The following TMEM161A variants were observed in gnomAD, a reference collection of about 807,000 sequenced individuals.
TMEM161A encodes adaptive response to oxidative stress protein 29.
Under a neutral mutation model 57.1 loss-of-function variants are expected in TMEM161A, and 46 were observed. That is an observed-to-expected ratio of 0.81 (90% CI 0.64 to 1.03). The LOEUF (loss-of-function observed/expected upper bound fraction) is 1.03, where lower values mean the gene tolerates loss of function less well. Ranked by LOEUF, TMEM161A falls within the 50% of genes least tolerant of loss-of-function variation. The probability of loss-of-function intolerance (pLI) is 0.00; values close to 1 mark genes in which losing one functional copy is unlikely to be tolerated. For missense variants in TMEM161A, 601 were observed against 621.5 expected, an observed-to-expected ratio of 0.97 and a Z score of 0.35; for synonymous variants, 288 against 279.0, an observed-to-expected ratio of 1.03 and a Z score of -0.32.
At chr19:19,128,306 A>G (rs918215433) in intron 6 of TMEM161A, among the ~76,000 whole-genome samples, 5 of 141,436 alleles carry the variant, frequency 3.5e-5, no homozygotes, top group African/African-American at 1.3e-4. Context: ...ATCTCAGCTC[A>G]CTGCAAGCTC....
chr19:19,135,187 C>T (rs951190078), intron 1 of TMEM161A, among the ~76,000 whole-genome samples: 4 of 152,176 alleles, frequency 2.6e-5, no homozygotes, highest in African/African-American at 4.8e-5. Flanking sequence ...ATTAATTTCC[C>T]GGAGTCTCAG....
chr19:19,125,164 G>A (rs1476165877), intron 6 of TMEM161A, among the ~76,000 whole-genome samples: 1 of 152,092 alleles, frequency 6.6e-6, no homozygotes, highest in South Asian at 2.1e-4. Context: ...CAAAGGGGAA[G>A]GATCAGACAG....
At chr19:19,130,446 G>T in intron 5 of TMEM161A, 139 bp from the exon 6 acceptor site, 1 of 1,030,470 alleles carries the variant, frequency 9.7e-7, no homozygotes, top group South Asian at 1.5e-5. Context: ...AGAGGAGTTC[G>T]GTTTTGGGGT....
At chr19:19,137,295 TTCC>T (rs1192216160) in intron 1 of TMEM161A, among the ~76,000 whole-genome samples, 1 of 152,134 alleles carries the variant, frequency 6.6e-6, no homozygotes, top group Non-Finnish European at 1.5e-5. Flanking sequence ...CTCAGAGGTC[TTCC>T]TGGACCTTTG....
In TMEM161A at chr19:19,120,095, G is replaced by T. The variant is rs767450009; in HGVS notation, c.1275C>A (p.Asp425Glu). ...ASAAPIGSGE[D>E]EVQQTAARIA... The stretch of plus-strand genomic sequence containing the variant: ...TCCGCGCTGCAGTCTGCTGGACTTC[G>T]TCCTCCCCAGAGCCGATGGGGGCAG... Residue 425 changes from aspartate (D) to glutamate (E), a missense_variant, in exon 12 of 12, where the codon GAC (aspartate) becomes GAA (glutamate). Coordinates refer to ENST00000162044, the MANE Select transcript of TMEM161A (RefSeq NM_017814.3). 5 of 1,580,480 alleles carry T rather than the reference G, an allele frequency of 3.2e-6. No homozygotes were observed. The highest frequency in any genetic ancestry group is 4.3e-6 in the Non-Finnish European group (5 of 1,163,706).
rs776586045 is a variant in TMEM161A at position 19,121,479 on chromosome 19, C to T, written c.800+46G>A. On this transcript the variant is annotated intron_variant, in intron 8 of 11. Coordinates refer to ENST00000162044, the MANE Select transcript of TMEM161A (RefSeq NM_017814.3). The surrounding 1 kb of genome is among the most constrained non-coding windows in gnomAD (Gnocchi z 5.8). Reference sequence around the variant, plus strand: ...GGGTACCCCCTCTCCTCGAGTCTCTCCCTTAAGCTCCCTAGTCCCCCCACC... The same window carrying T: ...GGGTACCCCCTCTCCTCGAGTCTCTTCCTTAAGCTCCCTAGTCCCCCCACC... The T allele has an allele frequency of 6.2e-7, 1 of 1,613,594 alleles. No homozygotes were observed. Among genetic ancestry groups the T allele is most frequent in the Non-Finnish European group, 8.5e-7 (1 of 1,179,684 alleles).
rs532451412 is a variant in TMEM161A at position 19,119,893 on chromosome 19, G to A, written c.*37C>T. The A allele has an allele frequency of 4.5e-6, 7 of 1,545,496 alleles. No individual in the cohort carries two copies. Among genetic ancestry groups the A allele is most frequent in the Non-Finnish European group, 6.1e-6 (7 of 1,144,924 alleles). On this transcript the variant is annotated 3_prime_UTR_variant, in exon 12 of 12. Coordinates refer to ENST00000162044, the MANE Select transcript of TMEM161A (RefSeq NM_017814.3). ...GCAGGCTAGTGTCCCGCTGCCCCAGGAACAGACCTCAGGGCCCCAGGAGGG... is the reference window on the plus strand; with the variant it reads ...GCAGGCTAGTGTCCCGCTGCCCCAGAAACAGACCTCAGGGCCCCAGGAGGG...
intron 5 of TMEM161A, among the ~76,000 whole-genome samples, chr19:19,131,677 C>A (rs1275015224): frequency 6.6e-6 from 1 of 152,082 alleles, no homozygotes; most frequent in Non-Finnish European, 1.5e-5. Context: ...AGGTATGCAC[C>A]ACCACCCCCG....
chr19:19,131,236 A>G (rs1022943060), intron 5 of TMEM161A, among the ~76,000 whole-genome samples: 2 of 151,962 alleles, frequency 1.3e-5, no homozygotes, highest in Non-Finnish European at 2.9e-5. Context: ...ACAAAACAAA[A>G]CAAAAAACAA....
At chr19:19,138,330 G>T in intron 1 of TMEM161A, 96 bp downstream of exon 1, 1 of 1,530,680 alleles carries the variant, frequency 6.5e-7, no homozygotes, top group Non-Finnish European at 8.9e-7. Context: ...CAATCCCCAA[G>T]AAGAAACCCC....
chr19:19,125,807 C>T (rs1459065559), intron 6 of TMEM161A, among the ~76,000 whole-genome samples: 2 of 151,926 alleles, frequency 1.3e-5, no homozygotes, highest in Admixed American at 6.6e-5. Flanking sequence ...TGAGCCACCA[C>T]CCCTGGCCAG....
intron 6 of TMEM161A, among the ~76,000 whole-genome samples, chr19:19,123,749 C>A (rs997314042): frequency 6.6e-6 from 1 of 152,054 alleles, no homozygotes; most frequent in Non-Finnish European, 1.5e-5. Context: ...CTACTACCAG[C>A]CAAACTAGAC....
chr19:19,135,002 T>C, intron 1 of TMEM161A, 115 bp from the exon 2 acceptor site: 1 of 725,826 alleles, frequency 1.4e-6, no homozygotes, highest in Non-Finnish European at 2.3e-6. Context: ...AGGGCGAGCC[T>C]CTTAGGCTCT....
intron 5 of TMEM161A, among the ~76,000 whole-genome samples, chr19:19,131,222 AAAAAC>A (rs1440639036): frequency 6.6e-6 from 1 of 152,042 alleles, no homozygotes; most frequent in Non-Finnish European, 1.5e-5. Flanking sequence ...CTCCATCTCA[AAAAAC>A]AAAACAAAAC....
chr19:19,138,285 G>C, intron 1 of TMEM161A, 141 bp downstream of exon 1: 1 of 1,234,112 alleles, frequency 8.1e-7, no homozygotes, highest in South Asian at 1.3e-5. Flanking sequence ...AGGGACACAC[G>C]GCCTTCAGCG....
chr19:19,136,542 G>A (rs1180894368), intron 1 of TMEM161A, among the ~76,000 whole-genome samples: 1 of 152,010 alleles, frequency 6.6e-6, no homozygotes, highest in Non-Finnish European at 1.5e-5. Flanking sequence ...TGTAATCCCA[G>A]CTACTTGGGA....
Position 19,121,888 on chromosome 19 carries a change from A to G in TMEM161A, c.596-69T>C. 1.9e-6 allele frequency: 3 copies of G among 1,548,718 alleles called. No individual in the cohort carries two copies. The highest frequency in any genetic ancestry group is 2.6e-6 in the Non-Finnish European group (3 of 1,132,432). Reference sequence around the variant, plus strand: ...GTCTCTAAGGCCACTCTGTTCCCTAACCCCCCATCCCTCAGGCATCCGTTT... The same window carrying G: ...GTCTCTAAGGCCACTCTGTTCCCTAGCCCCCCATCCCTCAGGCATCCGTTT... On this transcript the variant is annotated intron_variant, in intron 6 of 11. Transcript: ENST00000162044. The surrounding 1 kb of genome is among the most constrained non-coding windows in gnomAD (Gnocchi z 5.8).
At chr19:19,124,009 GCGC>G in intron 6 of TMEM161A, among the ~76,000 whole-genome samples, 2 of 151,686 alleles carry the variant, frequency 1.3e-5, no homozygotes, top group African/African-American at 4.8e-5. Context: ...AGCCGAGATT[GCGC>G]CACTGCACTC....
chr19:19,137,771 G>C (rs922862510), intron 1 of TMEM161A, among the ~76,000 whole-genome samples: 3 of 152,198 alleles, frequency 2.0e-5, no homozygotes, highest in Non-Finnish European at 4.4e-5. Context: ...GGTCCCGTCA[G>C]GGTTGTGGGA....
Sources: gnomAD v4.1 joint callset for allele counts (sites outside exome capture counted in the v4.1 genomes callset) on GRCh38, gnomAD v4.1.1 for gene constraint, Gnocchi (gnomAD v3.1) non-coding constraint, MANE v1.5 for transcripts, NCBI Gene and HGNC (gene_info 2026-07-23, HGNC 2026-07-21) for gene names.